Variants in STK3 observed in about 807,000 individuals in gnomAD.
The protein encoded by STK3 is serine/threonine kinase 3.
A neutral mutation model predicts 58.0 loss-of-function variants in STK3; 41 were observed. That is an observed-to-expected ratio of 0.71 (90% CI 0.55 to 0.92). The LOEUF is 0.92. Among genes scored for constraint, STK3 ranks in the 40% least tolerant of loss-of-function variants. STK3 has a pLI of 0.00. For synonymous variants in STK3, 170 were observed against 191.0 expected (o/e 0.89, Z 0.91); for missense variants, 479 against 602.7 (o/e 0.79, Z 2.15).
chr8:98,745,520 G>T (rs986402854), intron 4 of STK3, among the ~76,000 whole-genome samples: 6 of 151,906 alleles, frequency 3.9e-5, no homozygotes, highest in Non-Finnish European at 1.5e-5. Flanking sequence ...CTATGTTAAG[G>T]CTAATGAAGA....
Position 98,617,504 on chromosome 8 carries a change from A to G in STK3, c.685-21335T>C, listed in dbSNP as rs1254090909. Among the ~76,000 whole-genome samples, 11 of 148,956 alleles carry G rather than the reference A, an allele frequency of 7.4e-5. No homozygotes were observed. The East Asian group carries it at 1.8e-3, about 24-fold the overall frequency. On this transcript the variant is annotated intron_variant, in intron 6 of 10. Coordinates refer to ENST00000419617, the MANE Select transcript of STK3 (RefSeq NM_006281.4). ...AAATAGAGACACAAAAAACCCTTCA[A>G]AAAATCAATGAATCCAGGAGCTGGT...
chr8:98,876,257 T>C (rs1324865969), intron 3 of STK3, among the ~76,000 whole-genome samples: 2 of 152,198 alleles, frequency 1.3e-5, no homozygotes, highest in African/African-American at 4.8e-5. Context: ...GGAAAAGCCT[T>C]TTAATGACAC....
At chr8:98,595,969 C>G (rs1667411002) in intron 7 of STK3, 63 bp downstream of exon 7, 1 of 1,548,112 alleles carries the variant, frequency 6.5e-7, no homozygotes, top group Non-Finnish European at 8.8e-7. Context: ...GCAATTCTGG[C>G]CAATGTCAGA....
At chr8:98,413,074 C>T (rs996346288) in intron 3 of STK3, 4 of 246,492 alleles carry the variant, frequency 1.6e-5, no homozygotes, top group Admixed American at 5.3e-5. Flanking sequence ...AGTGCAGTGG[C>T]GCGATCTTGG....
intron 4 of STK3, among the ~76,000 whole-genome samples, chr8:98,747,089 CAAAAA>C (rs561765459): frequency 3.8e-5 from 3 of 78,654 alleles, no homozygotes; most frequent in African/African-American, 9.0e-5. Context: ...ACATTTTCAC[CAAAAA>C]AAAAAAAAAA....
intron 2 of STK3, among the ~76,000 whole-genome samples, chr8:98,376,526 C>T (rs1817676553): frequency 6.6e-6 from 1 of 152,094 alleles, no homozygotes; most frequent in South Asian, 2.1e-4. Flanking sequence ...TCCTATGTTT[C>T]CTTCTCAAAA....
exon 3 of STK3, chr8:98,434,207 C>G (rs765465278): frequency 6.6e-6 from 1 of 152,142 alleles, no homozygotes; most frequent in Non-Finnish European, 1.5e-5. Context: ...AACCTTGCCC[C>G]GCACTCGTTA....
At chr8:98,469,710 C>G (rs1259993537) in intron 10 of STK3, among the ~76,000 whole-genome samples, 1 of 152,112 alleles carries the variant, frequency 6.6e-6, no homozygotes, top group Non-Finnish European at 1.5e-5. Context: ...TTTTATTTTA[C>G]AAGATGAAAT....
At chr8:98,566,134 G>T (rs2131658251) in intron 8 of STK3, among the ~76,000 whole-genome samples, 1 of 152,054 alleles carries the variant, frequency 6.6e-6, no homozygotes, top group Admixed American at 6.5e-5. Flanking sequence ...TCTATAATAG[G>T]TATAAAAATC....
At chr8:98,905,453 C>G in intron 1 of STK3, 2 of 1,286,302 alleles carry the variant, frequency 1.6e-6, no homozygotes, top group Non-Finnish European at 2.3e-6. Flanking sequence ...ACGCTTTGCT[C>G]TTATTCTTGC....
At chr8:98,713,104 A>T (rs899331896) in intron 4 of STK3, among the ~76,000 whole-genome samples, 3 of 152,242 alleles carry the variant, frequency 2.0e-5, no homozygotes, top group African/African-American at 7.2e-5. Flanking sequence ...AAGACACAAC[A>T]TACCAGAATC....
At chr8:98,530,918 C>A (rs1452053960) in intron 9 of STK3, among the ~76,000 whole-genome samples, 1 of 152,210 alleles carries the variant, frequency 6.6e-6, no homozygotes, top group Non-Finnish European at 1.5e-5. Flanking sequence ...TTCATCTGTT[C>A]AAGTTTAATC....
At chr8:98,814,424 G>A (rs1458239861) in intron 1 of STK3, among the ~76,000 whole-genome samples, 1 of 149,036 alleles carries the variant, frequency 6.7e-6, no homozygotes, top group Non-Finnish European at 1.5e-5. Context: ...AGTCACTGCA[G>A]CACAACCTCC....
chr8:98,428,707 T>C lies in STK3; in HGVS notation n.483+5420A>G. On this transcript the variant is annotated intron_variant and non_coding_transcript_variant, in intron 3 of 3. Transcript: ENST00000517832. This position sits in a 1 kb window ranked among gnomAD's most constrained non-coding sequence, Gnocchi z 6.7. ...ATTGCCTGGTTCACATTTGAGCTGG[T>C]GGCCAGGTTTGCTGTGGCCCCTGAC... The C allele has an allele frequency of 6.2e-7, 1 of 1,614,246 alleles. No homozygotes were observed. The highest frequency in any genetic ancestry group is 8.5e-7 in the Non-Finnish European group (1 of 1,180,042).
intron 7 of STK3, among the ~76,000 whole-genome samples, chr8:98,586,165 G>T (rs978827826): frequency 2.0e-5 from 3 of 151,302 alleles, no homozygotes; most frequent in Non-Finnish European, 1.5e-5. Flanking sequence ...GGGCATCCCT[G>T]TCTTGTGCCA....
chr8:98,820,841 G>A (rs1055004477), intron 1 of STK3, among the ~76,000 whole-genome samples: 3 of 152,128 alleles, frequency 2.0e-5, no homozygotes, highest in African/African-American at 4.8e-5. Context: ...AACCTGGTGT[G>A]GTGGCAGGCG....
chr8:98,356,909 G>C, the STK3 span, among the ~76,000 whole-genome samples: 2 of 152,190 alleles, frequency 1.3e-5, no homozygotes, highest in Non-Finnish European at 2.9e-5. Context: ...CCCTGAGCGT[G>C]GTCGGTCTGT....
intron 6 of STK3, among the ~76,000 whole-genome samples, chr8:98,615,457 T>C (rs1239163184): frequency 6.6e-6 from 1 of 151,378 alleles, no homozygotes; most frequent in Non-Finnish European, 1.5e-5. Context: ...CAAAGCTGGA[T>C]GGAGAATGAC....
chr8:98,898,901 C>T (rs1019828770), intron 1 of STK3, among the ~76,000 whole-genome samples: 6 of 152,202 alleles, frequency 3.9e-5, no homozygotes, highest in Non-Finnish European at 7.3e-5. Flanking sequence ...TGCTCGGCCA[C>T]AGCCAGTAAC....
Sources: allele counts gnomAD v4.1 joint callset (sites outside exome capture counted in the v4.1 genomes callset), GRCh38; gene constraint gnomAD v4.1.1; non-coding constraint Gnocchi (gnomAD v3.1); transcripts MANE v1.5; gene names NCBI Gene and HGNC (gene_info 2026-07-23, HGNC 2026-07-21).